The following SOX5 variants were observed in gnomAD, a reference collection of about 807,000 sequenced individuals.
The protein encoded by SOX5 is SRY-box transcription factor 5.
Under a neutral mutation model 92.0 loss-of-function variants are expected in SOX5, and 9 were observed. The ratio of observed to expected loss-of-function variants is 0.10; its 90% CI spans 0.06 to 0.17. SOX5 has a LOEUF of 0.17. Among genes scored for constraint, SOX5 ranks in the 10% least tolerant of loss-of-function variants. The probability of loss-of-function intolerance (pLI) is 1.00; values close to 1 mark genes in which losing one functional copy is unlikely to be tolerated. For missense variants in SOX5, 642 were observed against 944.5 expected (o/e 0.68, Z 4.20); for synonymous variants, 344 against 336.3 (o/e 1.02, Z -0.25).
At chr12:23,699,897 C>G (rs2090386827) in intron 6 of SOX5, among the ~76,000 whole-genome samples, 1 of 151,974 alleles carries the variant, frequency 6.6e-6, no homozygotes, top group South Asian at 2.1e-4. Context: ...TAGTTGATGC[C>G]CTACTTTACA....
At chr12:24,476,836 T>C (rs1012951139) in intron 1 of SOX5, among the ~76,000 whole-genome samples, 3 of 151,984 alleles carry the variant, frequency 2.0e-5, no homozygotes, top group Admixed American at 2.0e-4. Flanking sequence ...AAAGTGATAC[T>C]GAAGAACTAG....
At chr12:24,263,464 C>T (rs2140267927) in intron 3 of SOX5, among the ~76,000 whole-genome samples, 1 of 132,264 alleles carries the variant, frequency 7.6e-6, no homozygotes, top group South Asian at 2.7e-4. Context: ...GAGGGCGGAG[C>T]TTGCAGCGAA....
chr12:23,930,064 C>T (rs1370946893), intron 1 of SOX5, among the ~76,000 whole-genome samples: 1 of 151,780 alleles, frequency 6.6e-6, no homozygotes, highest in Non-Finnish European at 1.5e-5. Context: ...CTTTCTCACC[C>T]CTCACAAACC....
chr12:24,388,575 C>T (rs182295138), intron 1 of SOX5, among the ~76,000 whole-genome samples: 1 of 152,272 alleles, frequency 6.6e-6, no homozygotes, highest in African/African-American at 2.4e-5. Context: ...TACCAATCCT[C>T]ATTCTCCTTG....
intron 4 of SOX5, among the ~76,000 whole-genome samples, chr12:24,127,148 G>A (rs546234325): frequency 1.3e-5 from 2 of 151,956 alleles, no homozygotes; most frequent in East Asian, 1.9e-4. Flanking sequence ...AGCATTTTGG[G>A]AGGCCAAGGC....
intron 4 of SOX5, among the ~76,000 whole-genome samples, chr12:23,747,268 T>A (rs2094017703): frequency 6.6e-6 from 1 of 152,154 alleles, no homozygotes; most frequent in African/African-American, 2.4e-5. Context: ...CAGGCCACTA[T>A]CATCTCTTGC....
At chr12:23,745,029 A>T (rs1330106226) in intron 4 of SOX5, among the ~76,000 whole-genome samples, 2 of 151,932 alleles carry the variant, frequency 1.3e-5, no homozygotes, top group Non-Finnish European at 2.9e-5. Context: ...ACCATAATAA[A>T]CTCATTTTAA....
At chr12:23,566,094 C>A (rs1203353582) in intron 10 of SOX5, among the ~76,000 whole-genome samples, 1 of 152,146 alleles carries the variant, frequency 6.6e-6, no homozygotes. Flanking sequence ...AATAAGAGTT[C>A]TAGATTTCTA....
chr12:23,563,482 T>C, intron 10 of SOX5, 79 bp from the exon 11 acceptor site: 1 of 1,301,070 alleles, frequency 7.7e-7, no homozygotes, highest in Non-Finnish European at 1.1e-6. Flanking sequence ...AAATCACTTT[T>C]CTTGGTAATA....
In SOX5 at chr12:23,855,602, G is replaced by T. The variant is rs570705194; in HGVS notation, c.271-9409C>A. ...CACATCAAGCTTTTTCTTTCTTTGT[G>T]AGGACATCAGCACCACTAGACTGTC... On this transcript the variant is annotated intron_variant, in intron 2 of 14. Coordinates refer to ENST00000451604, the MANE Select transcript of SOX5 (RefSeq NM_006940.6). 5.7e-4 allele frequency among the ~76,000 whole-genome samples: 86 copies of T among 151,832 alleles called. 2 individuals are homozygous for T. Among genetic ancestry groups the T allele is most frequent in the Admixed American group, 3.7e-3 (57 of 15,242 alleles).
chr12:23,950,251 C>T (rs1417304121), upstream of SOX5, among the ~76,000 whole-genome samples: 4 of 147,474 alleles, frequency 2.7e-5, no homozygotes, highest in East Asian at 5.9e-4. Context: ...CGTTCACACA[C>T]GGAAATACAC....
rs80109263 is a variant in SOX5 at position 23,543,680 on chromosome 12, T to C, written c.1598-296A>G. 2.2e-4 allele frequency among the ~76,000 whole-genome samples: 34 copies of C among 152,298 alleles called. No individual in the cohort carries two copies. The East Asian group carries it at 2.5e-3, about 11-fold the overall frequency. On this transcript the variant is annotated intron_variant, in intron 12 of 14. Coordinates refer to ENST00000451604, the MANE Select transcript of SOX5 (RefSeq NM_006940.6). ...ATAAACTCCGATATGTGATTTTTGA[T>C]GCAATTCGGAAAGAGGATAGTCAGA...
At chr12:23,782,929 A>G (rs2095310725) in intron 3 of SOX5, among the ~76,000 whole-genome samples, 1 of 152,110 alleles carries the variant, frequency 6.6e-6, no homozygotes, top group Admixed American at 6.5e-5. Context: ...CTCTCTGATC[A>G]TCAAATTTAA....
intron 2 of SOX5, among the ~76,000 whole-genome samples, chr12:24,355,587 A>C (rs749466838): frequency 6.6e-6 from 1 of 152,074 alleles, no homozygotes; most frequent in Non-Finnish European, 1.5e-5. Flanking sequence ...ATATGCCACG[A>C]TACCTTTCCT....
chr12:23,593,679 A>G (rs993073398), intron 9 of SOX5, among the ~76,000 whole-genome samples: 4 of 152,168 alleles, frequency 2.6e-5, no homozygotes. Flanking sequence ...TGTTTAAATA[A>G]ATGATATAAT....
intron 3 of SOX5, among the ~76,000 whole-genome samples, chr12:24,216,196 A>C (rs987889084): frequency 2.0e-5 from 3 of 152,144 alleles, no homozygotes; most frequent in Non-Finnish European, 4.4e-5. Context: ...AAGAATAAAA[A>C]ATCCCGGCCG....
intron 1 of SOX5, among the ~76,000 whole-genome samples, chr12:23,903,198 G>A (rs558305077): frequency 1.3e-5 from 2 of 152,114 alleles, no homozygotes; most frequent in East Asian, 3.8e-4. Context: ...AAATATGAGT[G>A]CTACAGGAGA....
chr12:24,054,239 A>T (rs942074863), intron 4 of SOX5, among the ~76,000 whole-genome samples: 1 of 152,214 alleles, frequency 6.6e-6, no homozygotes, highest in African/African-American at 2.4e-5. Context: ...TTAAAGTAAA[A>T]GAGTTATGTC....
At chr12:24,383,464 A>G (rs1248043045) in intron 1 of SOX5, among the ~76,000 whole-genome samples, 2 of 152,228 alleles carry the variant, frequency 1.3e-5, no homozygotes, top group Admixed American at 1.3e-4. Context: ...CAGTCCAAAA[A>G]TCTTCAATGG....
Sources: gnomAD v4.1 joint callset for allele counts (sites outside exome capture counted in the v4.1 genomes callset) on GRCh38, gnomAD v4.1.1 for gene constraint, MANE v1.5 for transcripts, NCBI Gene and HGNC (gene_info 2026-07-23, HGNC 2026-07-21) for gene names.